CHSY3: variants seen among roughly 807,000 people sequenced by gnomAD.
CHSY3 encodes the protein N-acetylgalactosaminyl-proteoglycan 3-beta-glucuronosyltransferase 3.
CHSY3 carries 35 observed loss-of-function variants against 67.2 expected under a neutral mutation model. The observed-to-expected ratio is 0.52, with a 90% CI of 0.40 to 0.69. The LOEUF is 0.69. Among genes scored for constraint, CHSY3 ranks in the 30% least tolerant of loss-of-function variants. The pLI is 0.00. For synonymous variants in CHSY3, 474 were observed against 434.7 expected (o/e 1.09, Z -1.12); for missense variants, 1,069 against 1,138.5 (o/e 0.94, Z 0.88).
chr5:130,069,412 A>T (rs935022153), intron 2 of CHSY3, among the ~76,000 whole-genome samples: 3 of 152,044 alleles, frequency 2.0e-5, no homozygotes, highest in Admixed American at 1.3e-4. Context: ...ACATTTTGGG[A>T]GGATGAGGTG....
chr5:130,178,215 A>ATATATT (rs1351845024), intron 2 of CHSY3, among the ~76,000 whole-genome samples: 1 of 104,798 alleles, frequency 9.5e-6, no homozygotes, highest in Non-Finnish European at 1.9e-5. Flanking sequence ...ATATATATGT[A>ATATATT]TATATTTATA....
At chr5:130,035,770 A>G (rs4449575) in intron 2 of CHSY3, among the ~76,000 whole-genome samples, 143,678 of 152,174 alleles carry the variant, frequency 0.94, 67,946 homozygotes, top group East Asian at 1. Flanking sequence ...TGACAAGATC[A>G]GTGCAGGTAA....
chr5:130,057,747 A>T (rs1414634725), intron 2 of CHSY3, among the ~76,000 whole-genome samples: 2 of 152,192 alleles, frequency 1.3e-5, no homozygotes, highest in Non-Finnish European at 2.9e-5. Context: ...TGATGAAAAC[A>T]TTCGTACCAA....
chr5:130,003,729 C>T (rs1315648356), intron 2 of CHSY3, among the ~76,000 whole-genome samples: 1 of 152,026 alleles, frequency 6.6e-6, no homozygotes, highest in Non-Finnish European at 1.5e-5. Flanking sequence ...CAATTTGAGA[C>T]CCTGTGGTCT....
intron 2 of CHSY3, among the ~76,000 whole-genome samples, chr5:130,076,774 T>C (rs143975965): frequency 6.3e-4 from 96 of 152,216 alleles, no homozygotes; most frequent in African/African-American, 7.7e-4. Context: ...AGGTCTTTCA[T>C]TGGAGTTAAA....
At position 130,185,284 on chromosome 5, in the gene CHSY3, G is replaced by T; in HGVS notation, c.2142G>T (p.Leu714=). 1 of 1,610,870 alleles carries T rather than the reference G, an allele frequency of 6.2e-7. No individual in the cohort carries two copies. Among genetic ancestry groups the T allele is most frequent in the Non-Finnish European group, 8.5e-7 (1 of 1,177,128 alleles). The change falls in exon 3 of 3, where the codon CTG becomes CTT. Residue 714 remains leucine, a synonymous_variant. Coordinates refer to ENST00000305031, the MANE Select transcript of CHSY3 (RefSeq NM_175856.5). Reference sequence around the variant, plus strand: ...CCCAGTTTGACAATGACACTTTGCTGCTATTTTGTGATGTTGACTTGATCT... The same window carrying T: ...CCCAGTTTGACAATGACACTTTGCTTCTATTTTGTGATGTTGACTTGATCT... ...ASAQFDNDTL[L]LFCDVDLIFR...
At chr5:130,059,677 G>C (rs1238152877) in intron 2 of CHSY3, among the ~76,000 whole-genome samples, 1 of 152,070 alleles carries the variant, frequency 6.6e-6, no homozygotes, top group Non-Finnish European at 1.5e-5. Context: ...TTTGGGGTGG[G>C]TGGACATGTT....
At chr5:130,143,340 G>C (rs1204389621) in intron 2 of CHSY3, among the ~76,000 whole-genome samples, 1 of 152,060 alleles carries the variant, frequency 6.6e-6, no homozygotes, top group African/African-American at 2.4e-5. Context: ...AGCAGACCAT[G>C]AGACAAAGGG....
chr5:130,016,474 C>A (rs183718276), intron 2 of CHSY3, among the ~76,000 whole-genome samples: 124 of 152,288 alleles, frequency 8.1e-4, no homozygotes, highest in African/African-American at 2.8e-3. Flanking sequence ...TGCAGTGGCA[C>A]GATCTCAGCT....
intron 2 of CHSY3, among the ~76,000 whole-genome samples, chr5:130,034,100 GTT>G (rs1764780291): frequency 6.6e-6 from 1 of 152,088 alleles, no homozygotes; most frequent in Non-Finnish European, 1.5e-5. Flanking sequence ...TTCCCCAGAT[GTT>G]TGTTTGCAAG....
At chr5:129,929,160 A>G (rs1218338920) in intron 2 of CHSY3, among the ~76,000 whole-genome samples, 1 of 152,214 alleles carries the variant, frequency 6.6e-6, no homozygotes, top group Non-Finnish European at 1.5e-5. Context: ...TCAGACAGTA[A>G]AGGCCCAGAA....
At chr5:130,045,969 C>T (rs1218839792) in intron 2 of CHSY3, among the ~76,000 whole-genome samples, 1 of 151,984 alleles carries the variant, frequency 6.6e-6, no homozygotes, top group Non-Finnish European at 1.5e-5. Flanking sequence ...AAACCCTTGC[C>T]TCATTTATTG....
chr5:129,998,234 C>G (rs1763605833), intron 2 of CHSY3, among the ~76,000 whole-genome samples: 1 of 106,532 alleles, frequency 9.4e-6, no homozygotes, highest in African/African-American at 3.1e-5. Flanking sequence ...GAATTCTGTG[C>G]TCACTGTTAA....
At chr5:130,136,822 A>G (rs62393191) in intron 2 of CHSY3, among the ~76,000 whole-genome samples, 8,337 of 152,240 alleles carry the variant, frequency 0.055, 343 homozygotes, top group Non-Finnish European at 0.08. Context: ...TAAAATATAA[A>G]GCATATAATA....
intron 2 of CHSY3, among the ~76,000 whole-genome samples, chr5:130,090,418 C>G (rs1230208827): frequency 2.0e-5 from 3 of 152,130 alleles, no homozygotes; most frequent in Non-Finnish European, 1.5e-5. Flanking sequence ...ACCAGTGCTT[C>G]CACACTAGTC....
intron 2 of CHSY3, among the ~76,000 whole-genome samples, chr5:130,167,381 T>C (rs911852597): frequency 4.6e-5 from 7 of 152,080 alleles, no homozygotes; most frequent in African/African-American, 1.7e-4. Context: ...GGATAGCTAA[T>C]AGTACCTTGA....
At chr5:130,091,640 T>C (rs188265914) in intron 2 of CHSY3, among the ~76,000 whole-genome samples, 19 of 152,246 alleles carry the variant, frequency 1.2e-4, no homozygotes, top group Admixed American at 2.0e-4. Flanking sequence ...ATAATTACAC[T>C]TCATAAAGTT....
chr5:130,008,802 A>C (rs893787325), intron 2 of CHSY3, among the ~76,000 whole-genome samples: 2 of 152,240 alleles, frequency 1.3e-5, no homozygotes, highest in Non-Finnish European at 2.9e-5. Flanking sequence ...AACTCACTAC[A>C]AGAAATTCAT....
In CHSY3 at chr5:130,100,367, T is replaced by G. The variant is rs1767199273; in HGVS notation, c.1087-83862T>G. Reference sequence around the variant, plus strand: ...GCTTGGCTATTTTTTTTTTTTTTTTTTGTATTTTTAGTAGAGACGGGCTTT... The same window carrying G: ...GCTTGGCTATTTTTTTTTTTTTTTTGTGTATTTTTAGTAGAGACGGGCTTT... On this transcript the variant is annotated intron_variant, in intron 2 of 2. Transcript: ENST00000305031. Among the ~76,000 whole-genome samples, 6 of 122,290 alleles carry G rather than the reference T, an allele frequency of 4.9e-5. No homozygotes were observed. The South Asian group carries it at 1.6e-3, about 33-fold the overall frequency. The allele number at this position is 122,290 out of a possible 152,430, so 80.2% of individuals were successfully genotyped here.
Sources: gnomAD v4.1 joint callset for allele counts (sites outside exome capture counted in the v4.1 genomes callset) on GRCh38, gnomAD v4.1.1 for gene constraint, MANE v1.5 for transcripts, NCBI Gene and HGNC (gene_info 2026-07-23, HGNC 2026-07-21) for gene names.